UGT2B15: variants seen among roughly 807,000 people sequenced by gnomAD.
UGT2B15 encodes the protein UDP glucuronosyltransferase family 2 member B15, also known as UDP-glucuronosyltransferase 2B15.
In UGT2B15, 36 loss-of-function variants were observed where a neutral mutation model predicts 45.9. The ratio of observed to expected loss-of-function variants is 0.78; its 90% confidence interval spans 0.60 to 1.04. The LOEUF is 1.04. UGT2B15 is among the 50% of genes least tolerant of loss of function. The pLI is 0.00. For synonymous variants in UGT2B15, 219 were observed against 216.4 expected (o/e 1.01, Z -0.11); for missense variants, 617 against 622.4 (o/e 0.99, Z 0.09).
chr4:68,669,967 T>G lies in UGT2B15; in HGVS notation c.652A>C (p.Met218Leu). ...FMERIKNMIHMLYFDFWFQIY... is the reference protein window; with the variant it reads ...FMERIKNMIHLLYFDFWFQIY... ...TGAAACCAAAAGTCAAAATAAAGCA[T>G]ATGTATCATATTTTTTATCCTCTCC... The change falls in exon 1 of 6, where the codon ATG becomes CTG. Residue 218 changes from methionine to leucine, a missense_variant. Around this residue, in one of 3 missense-constraint regions of UGT2B15, gnomAD observed 351 missense variants for 342.1 expected, o/e 1.03. Coordinates refer to ENST00000338206, the MANE Select transcript of UGT2B15 (RefSeq NM_001076.4). The G allele has an allele frequency of 1.2e-6, 2 of 1,613,816 alleles. No individual in the cohort carries two copies. Among genetic ancestry groups the G allele is most frequent in the Middle Eastern group, 1.7e-4 (1 of 6,058 alleles).
chr4:68,668,493 A>T (rs1733207622), intron 1 of UGT2B15, among the ~76,000 whole-genome samples: 1 of 151,870 alleles, frequency 6.6e-6, no homozygotes. Context: ...ATAAGTCACT[A>T]ATATGGTTTG....
chr4:68,658,571 A>T (rs1206217909), intron 3 of UGT2B15, among the ~76,000 whole-genome samples: 1 of 152,024 alleles, frequency 6.6e-6, no homozygotes, highest in African/African-American at 2.4e-5. Flanking sequence ...TGCTTGTGTA[A>T]TTTTTTAATA....
intron 3 of UGT2B15, among the ~76,000 whole-genome samples, chr4:68,659,138 A>C (rs1468842001): frequency 6.6e-6 from 1 of 151,980 alleles, no homozygotes; most frequent in Non-Finnish European, 1.5e-5. Flanking sequence ...TTGAAAAACA[A>C]AGTTATTTGG....
chr4:68,662,119 G>C (rs1319510707), intron 3 of UGT2B15, among the ~76,000 whole-genome samples: 2 of 152,034 alleles, frequency 1.3e-5, no homozygotes, highest in African/African-American at 4.8e-5. Context: ...CATTCAGAGA[G>C]GGCTATGTCA....
intron 3 of UGT2B15, among the ~76,000 whole-genome samples, chr4:68,655,586 A>G (rs1223485631): frequency 6.6e-6 from 1 of 152,044 alleles, no homozygotes; most frequent in Non-Finnish European, 1.5e-5. Flanking sequence ...TCATTTCGAG[A>G]GGCTAATCAG....
intron 3 of UGT2B15, among the ~76,000 whole-genome samples, chr4:68,661,915 T>C (rs186469744): frequency 7.2e-4 from 109 of 152,226 alleles, no homozygotes; most frequent in African/African-American, 2.5e-3. Context: ...GATGATGCAC[T>C]ACCTAGCATT....
intron 3 of UGT2B15, among the ~76,000 whole-genome samples, chr4:68,661,464 G>C (rs62299487): frequency 0.17 from 26,454 of 151,776 alleles, 2,888 homozygotes; most frequent in East Asian, 0.28. Context: ...TAGCAAATTA[G>C]TAATAACCTA....
At chr4:68,661,869 T>C (rs1024740215) in intron 3 of UGT2B15, among the ~76,000 whole-genome samples, 1 of 152,074 alleles carries the variant, frequency 6.6e-6, no homozygotes. Flanking sequence ...AAAATTGTAT[T>C]TTGCTGCATT....
chr4:68,654,896 G>C (rs1227598760), intron 4 of UGT2B15, among the ~76,000 whole-genome samples, 199 bp downstream of exon 4: 1 of 152,052 alleles, frequency 6.6e-6, no homozygotes, highest in Admixed American at 6.6e-5. Context: ...TAAAGAATGT[G>C]ACTGTATGTA....
chr4:68,661,119 A>T (rs1732953336), intron 3 of UGT2B15, among the ~76,000 whole-genome samples: 1 of 151,914 alleles, frequency 6.6e-6, no homozygotes, highest in South Asian at 2.1e-4. Flanking sequence ...GAGACCAGAG[A>T]CTCATTTTCT....
At chr4:68,669,674 T>C (rs985770737) in intron 1 of UGT2B15, among the ~76,000 whole-genome samples, 19 of 152,174 alleles carry the variant, frequency 1.2e-4, no homozygotes, top group African/African-American at 4.3e-4. Context: ...TGAAGGTTTA[T>C]GACTCTCTGG....
intron 3 of UGT2B15, among the ~76,000 whole-genome samples, chr4:68,656,961 A>T (rs1390137937): frequency 6.6e-6 from 1 of 152,078 alleles, no homozygotes; most frequent in East Asian, 1.9e-4. Flanking sequence ...AGTTTACTGG[A>T]AGTAGTATTG....
intron 4 of UGT2B15, among the ~76,000 whole-genome samples, chr4:68,654,821 C>T (rs1732756570): frequency 6.6e-6 from 1 of 151,932 alleles, no homozygotes; most frequent in African/African-American, 2.4e-5. Flanking sequence ...ACAGAAAATC[C>T]AGGATGTTAT....
Position 68,654,272 on chromosome 4 carries a change from T to A in UGT2B15, c.1094-16A>T. 1.2e-6 allele frequency: 2 copies of A among 1,607,814 alleles called. No homozygotes were observed. Among genetic ancestry groups the A allele is most frequent in the Non-Finnish European group, 1.7e-6 (2 of 1,176,170 alleles). On this transcript the variant is annotated splice_polypyrimidine_tract_variant and intron_variant, in intron 4 of 5. Transcript: ENST00000338206. ...TTGGGATGACCTAAAAGTGGATGCA[T>A]TTTAACAAAATTATTAATTACAAGG...
intron 5 of UGT2B15, among the ~76,000 whole-genome samples, chr4:68,651,506 C>T (rs1732654233): frequency 6.6e-6 from 1 of 151,902 alleles, no homozygotes; most frequent in Non-Finnish European, 1.5e-5. Flanking sequence ...TTCCACTGGT[C>T]TATATGTCTG....
intron 5 of UGT2B15, among the ~76,000 whole-genome samples, chr4:68,648,460 C>G (rs1467756486): frequency 6.6e-6 from 1 of 152,066 alleles, no homozygotes. Flanking sequence ...TATGATACCT[C>G]TTGGAGAGTC....
chr4:68,652,533 C>T (rs1215211943), intron 5 of UGT2B15, among the ~76,000 whole-genome samples: 1 of 150,568 alleles, frequency 6.6e-6, no homozygotes, highest in Admixed American at 6.6e-5. Flanking sequence ...TAATGTATTC[C>T]CTTAGCTGGT....
intron 3 of UGT2B15, among the ~76,000 whole-genome samples, chr4:68,661,238 C>G (rs903930106): frequency 7.2e-5 from 11 of 151,940 alleles, no homozygotes; most frequent in African/African-American, 2.7e-4. Context: ...TCAAAGTCAC[C>G]CCTCTGCTCA....
intron 3 of UGT2B15, among the ~76,000 whole-genome samples, chr4:68,656,218 G>A (rs182558960): frequency 8.5e-5 from 13 of 152,192 alleles, no homozygotes; most frequent in Admixed American, 2.6e-4. Context: ...TCCCAGGAGG[G>A]AGGATGAATT....
Sources: gnomAD v4.1 joint callset for allele counts (sites outside exome capture counted in the v4.1 genomes callset) on GRCh38, gnomAD v4.1.1 for gene constraint, gnomAD v4.1.1 regional missense constraint, MANE v1.5 for transcripts, NCBI Gene and HGNC (gene_info 2026-07-23, HGNC 2026-07-21) for gene names.